MYH9: variants seen among roughly 807,000 people sequenced by gnomAD.
MYH9 encodes the protein myosin heavy chain 9.
MYH9 carries 29 observed loss-of-function variants against 241.9 expected under a neutral mutation model. The ratio of observed to expected loss-of-function variants is 0.12; its 90% CI spans 0.09 to 0.16. The LOEUF (loss-of-function observed/expected upper bound fraction) is 0.16, where lower values mean the gene tolerates loss of function less well. Ranked by LOEUF, MYH9 falls within the 10% of genes least tolerant of loss-of-function variation. MYH9 has a pLI of 1.00. For missense variants in MYH9, 1,803 were observed against 2,595.5 expected (o/e 0.69, Z 6.63); for synonymous variants, 1,047 against 1,062.6 (o/e 0.99, Z 0.29).
At position 36,285,330 on chromosome 22, in the gene MYH9, C is replaced by T. The variant is rs1292715916; in HGVS notation, c.5275-1G>A. 6.2e-7 allele frequency: 1 copy of T among 1,608,088 alleles called. No homozygotes were observed. The highest frequency in any genetic ancestry group is 8.5e-7 in the Non-Finnish European group (1 of 1,179,988). ...TCAGGTCGGTGTTGATCTGGTCGATCTGCAGAAGAAGGGCCAGTGACCTTG... is the reference window on the plus strand; with the variant it reads ...TCAGGTCGGTGTTGATCTGGTCGATTTGCAGAAGAAGGGCCAGTGACCTTG... On this transcript the variant is annotated splice_acceptor_variant, in intron 37 of 40. Transcript: ENST00000216181. LOFTEE classifies it high-confidence loss of function. This position sits in a 1 kb window ranked among gnomAD's most constrained non-coding sequence, Gnocchi z 7.0.
chr22:36,297,655 G>A (rs1385072775), intron 24 of MYH9, among the ~76,000 whole-genome samples: 2 of 152,186 alleles, frequency 1.3e-5, no homozygotes, highest in Admixed American at 1.3e-4. Flanking sequence ...AGATGTGTAA[G>A]GACATTTGTC....
intron 3 of MYH9, among the ~76,000 whole-genome samples, chr22:36,341,050 G>A (rs532626660): frequency 1.1e-4 from 17 of 152,284 alleles, no homozygotes; most frequent in Admixed American, 1.0e-3. Context: ...AAAGGGAAGG[G>A]AAGAACAGGA....
rs111860645 is a variant in MYH9 at position 36,382,526 on chromosome 22, G to A, written c.-20+5281C>T. Reference sequence around the variant, plus strand: ...AAATTAAAATTACTTGATTTTGCTGGGTGTGGTGGCTCATGCCTATAATCC... The same window carrying A: ...AAATTAAAATTACTTGATTTTGCTGAGTGTGGTGGCTCATGCCTATAATCC... On this transcript the variant is annotated intron_variant, in intron 1 of 40. Coordinates refer to ENST00000216181, the MANE Select transcript of MYH9 (RefSeq NM_002473.6). Among the ~76,000 whole-genome samples, 1,004 of 150,830 alleles carry A rather than the reference G, an allele frequency of 6.7e-3. 16 individuals are homozygous for A. The highest frequency in any genetic ancestry group is 0.021 in the African/African-American group (852 of 41,012).
chr22:36,380,557 A>G (rs936800051), intron 1 of MYH9, among the ~76,000 whole-genome samples: 11 of 152,154 alleles, frequency 7.2e-5, no homozygotes, highest in African/African-American at 2.4e-4. Context: ...CCTGGCCAAC[A>G]TGGTGAAACC....
At chr22:36,298,774 A>C in intron 24 of MYH9, 145 bp downstream of exon 24, 1 of 1,273,710 alleles carries the variant, frequency 7.9e-7, no homozygotes, top group South Asian at 1.3e-5. Flanking sequence ...TCAGGTCTAA[A>C]GGGCAGCAGC....
Position 36,293,931 on chromosome 22 carries a change from C to T in MYH9, c.3838-68G>A. ...CACTGCTCCTGCCCCACCTCATCTC[C>T]TTTAGGTAAAGCTGGACCTGAGTCA... On this transcript the variant is annotated intron_variant, in intron 28 of 40. Coordinates refer to ENST00000216181, the MANE Select transcript of MYH9 (RefSeq NM_002473.6). The surrounding 1 kb of genome is among the most constrained non-coding windows in gnomAD (Gnocchi z 5.1). 1.3e-6 allele frequency: 2 copies of T among 1,498,422 alleles called. No homozygotes were observed. Among genetic ancestry groups the T allele is most frequent in the East Asian group, 4.7e-5 (2 of 42,546 alleles). The allele number at this position is 1,498,422 out of a possible 1,614,324, so 92.8% of individuals were successfully genotyped here.
chr22:36,301,325 G>T (rs953273001), intron 21 of MYH9, among the ~76,000 whole-genome samples: 1 of 152,172 alleles, frequency 6.6e-6, no homozygotes, highest in African/African-American at 2.4e-5. Flanking sequence ...ACTTGTGAAC[G>T]TTCCACTCTA....
chr22:36,306,714 A>G lies in MYH9; in HGVS notation c.1844-107T>C. On this transcript the variant is annotated intron_variant, in intron 15 of 40. Transcript: ENST00000216181. The surrounding 1 kb of genome is among the most constrained non-coding windows in gnomAD (Gnocchi z 4.1). ...CACACGTCGGACAGGAAAAGAGGAG[A>G]CAGAATGAAACAACAGGACCCTTTC... 1 of 1,109,284 alleles carries G rather than the reference A, an allele frequency of 9.0e-7. No homozygotes were observed. Among genetic ancestry groups the G allele is most frequent in the Middle Eastern group, 2.8e-4 (1 of 3,618 alleles). 68.7% of individuals were successfully genotyped at this position (1,109,284 alleles called of 1,614,324 possible).
At chr22:36,384,602 AAAAAAAAAAATATATATATAT>A (rs1351942080) in intron 1 of MYH9, among the ~76,000 whole-genome samples, 2 of 47,258 alleles carry the variant, frequency 4.2e-5, no homozygotes, top group South Asian at 8.7e-4. Context: ...AAAAAAAAAA[AAAAAAAAAAATATATATATAT>A]ATATATATAT....
At position 36,320,723 on chromosome 22, in the gene MYH9, A is replaced by G; in HGVS notation, c.868+75T>C. On this transcript the variant is annotated intron_variant, in intron 8 of 40. Coordinates refer to ENST00000216181, the MANE Select transcript of MYH9 (RefSeq NM_002473.6). The surrounding 1 kb of genome is among the most constrained non-coding windows in gnomAD (Gnocchi z 4.8). ...GCCAAAAGTTTTCATTTCCCAAATG[A>G]TGTCTACGGTCCAATTCTGGCAAGA... 2 of 1,289,644 alleles carry G rather than the reference A, an allele frequency of 1.6e-6. No homozygotes were observed. Among genetic ancestry groups the G allele is most frequent in the Non-Finnish European group, 2.2e-6 (2 of 895,212 alleles). The allele number at this position is 1,289,644 out of a possible 1,614,324, so 79.9% of individuals were successfully genotyped here.
At position 36,349,084 on chromosome 22, in the gene MYH9, G is replaced by A. The variant is rs748117872; in HGVS notation, c.153C>T (p.Gly51=). Residue 51 remains glycine (G), a synonymous_variant, in exon 2 of 41, where the codon GGC becomes GGT. Coordinates refer to ENST00000216181, the MANE Select transcript of MYH9 (RefSeq NM_002473.6). ...FEPASLKEEV[G]EEAIVELVEN... ...CCACCAGCTCCACGATGGCCTCTTC[G>A]CCCACCTCCTCCTTGAGGCTGGCTG... is the stretch of plus-strand genomic sequence containing the variant. 3.7e-5 allele frequency: 60 copies of A among 1,613,978 alleles called. 1 individual carries two copies. In the South Asian group the frequency reaches 5.9e-4, roughly 16 times the overall value.
intron 2 of MYH9, among the ~76,000 whole-genome samples, chr22:36,344,137 G>A (rs929718448): frequency 2.0e-5 from 3 of 152,242 alleles, no homozygotes; most frequent in African/African-American, 4.8e-5. Context: ...TAAGCCCTGC[G>A]GAAAGAGCAC....
At position 36,304,910 on chromosome 22, in the gene MYH9, C is replaced by T. The variant is rs562049901; in HGVS notation, c.2229+123G>A. ...CCCGGCAGAGTCAGACGCGGAGCAT[C>T]AGAAGGGACACAGCCTGGGCATCCA... is the stretch of plus-strand genomic sequence containing the variant. On this transcript the variant is annotated intron_variant, in intron 18 of 40. Coordinates refer to ENST00000216181, the MANE Select transcript of MYH9 (RefSeq NM_002473.6). The T allele has an allele frequency of 4.0e-4, 395 of 986,788 alleles. 2 individuals are homozygous for T. The highest frequency in any genetic ancestry group is 8.6e-5 in the Non-Finnish European group (54 of 624,904). The allele number at this position is 986,788 out of a possible 1,614,324, so 61.1% of individuals were successfully genotyped here.
chr22:36,297,679 T>C (rs968491851), intron 24 of MYH9, among the ~76,000 whole-genome samples: 1 of 152,360 alleles, frequency 6.6e-6, no homozygotes, highest in Non-Finnish European at 1.5e-5. Context: ...GATTCCATTA[T>C]GAGAATACAC....
rs1312273981 is a variant in MYH9 at position 36,329,485 on chromosome 22, C to A, written c.491-1997G>T. ...TTTGTCATCCCAGCCCCCTGCCCTC[C>A]CCCACTGCGTCTCCCTGTGGTCTGC... On this transcript the variant is annotated intron_variant, in intron 3 of 40. Coordinates refer to ENST00000216181, the MANE Select transcript of MYH9 (RefSeq NM_002473.6). The surrounding 1 kb of genome is among the most constrained non-coding windows in gnomAD (Gnocchi z 4.1). Among the ~76,000 whole-genome samples, 1 of 152,162 alleles carries A rather than the reference C, an allele frequency of 6.6e-6. No homozygotes were observed. Among genetic ancestry groups the A allele is most frequent in the African/African-American group, 2.4e-5 (1 of 41,430 alleles).
At chr22:36,373,242 C>A (rs931651849) in intron 1 of MYH9, among the ~76,000 whole-genome samples, 1 of 152,204 alleles carries the variant, frequency 6.6e-6, no homozygotes, top group Admixed American at 6.5e-5. Context: ...CCACTATCCT[C>A]CCCCTGCCCC....
At chr22:36,353,777 TC>T (rs1412554815) in intron 1 of MYH9, among the ~76,000 whole-genome samples, 10 of 150,950 alleles carry the variant, frequency 6.6e-5, no homozygotes, top group Non-Finnish European at 1.0e-4. Flanking sequence ...CTCTTTCTTT[TC>T]GTGGTCCTTT....
At chr22:36,328,175 T>C (rs1237527457) in intron 3 of MYH9, among the ~76,000 whole-genome samples, 1 of 152,210 alleles carries the variant, frequency 6.6e-6, no homozygotes, top group Non-Finnish European at 1.5e-5. Flanking sequence ...GAATGACAGC[T>C]TCTGATGGGT....
chr22:36,383,609 A>G (rs1248815919), intron 1 of MYH9, among the ~76,000 whole-genome samples: 1 of 137,558 alleles, frequency 7.3e-6, no homozygotes, highest in Non-Finnish European at 1.6e-5. Flanking sequence ...CCTCATCCCC[A>G]CCCCCTCAAC....
Sources: gnomAD v4.1 joint callset for allele counts (sites outside exome capture counted in the v4.1 genomes callset) on GRCh38, gnomAD v4.1.1 for gene constraint, Gnocchi (gnomAD v3.1) non-coding constraint, MANE v1.5 for transcripts, NCBI Gene and HGNC (gene_info 2026-07-23, HGNC 2026-07-21) for gene names.